Variants in MOXD1 observed in about 807,000 individuals in gnomAD.
MOXD1 encodes the protein DBH-like monooxygenase protein 1.
In MOXD1, 62 loss-of-function variants were observed where a neutral mutation model predicts 66.6. That is an observed-to-expected ratio of 0.93 (90% confidence interval 0.76 to 1.15). MOXD1 has a LOEUF of 1.15. Ranked by LOEUF, MOXD1 falls within the 50% of genes most tolerant of loss-of-function variation. MOXD1 has a pLI of 0.00. For synonymous variants in MOXD1, 303 were observed against 281.9 expected (o/e 1.07, Z -0.75); for missense variants, 847 against 754.6 (o/e 1.12, Z -1.44).
intron 9 of MOXD1, among the ~76,000 whole-genome samples, chr6:132,317,625 C>T (rs1469139194): frequency 6.6e-6 from 1 of 152,014 alleles, no homozygotes; most frequent in Non-Finnish European, 1.5e-5. Context: ...GTTGTGTTGG[C>T]CCTGAAGAGG....
chr6:132,398,878 C>G (rs1041581841), intron 1 of MOXD1, among the ~76,000 whole-genome samples: 2 of 139,752 alleles, frequency 1.4e-5, no homozygotes, highest in Non-Finnish European at 3.0e-5. Context: ...GGTGAGGTTG[C>G]AGTGAGCCGA....
chr6:132,335,017 C>T (rs956018890), intron 4 of MOXD1, among the ~76,000 whole-genome samples: 5 of 152,120 alleles, frequency 3.3e-5, no homozygotes, highest in Middle Eastern at 3.4e-3. Context: ...GAACTTAGAA[C>T]GAAGAAAATG....
intron 4 of MOXD1, among the ~76,000 whole-genome samples, chr6:132,339,960 C>T (rs1031430862): frequency 6.6e-6 from 1 of 150,800 alleles, no homozygotes; most frequent in Non-Finnish European, 1.5e-5. Flanking sequence ...ACCTTTGCCT[C>T]CCCGGTTCAA....
chr6:132,302,333 C>G (rs1774559578), intron 10 of MOXD1, among the ~76,000 whole-genome samples: 1 of 152,054 alleles, frequency 6.6e-6, no homozygotes, highest in African/African-American at 2.4e-5. Context: ...GCATAATGTC[C>G]TGTTGTCTAT....
At chr6:132,400,795 G>A (rs1220894936) in intron 1 of MOXD1, among the ~76,000 whole-genome samples, 5 of 152,312 alleles carry the variant, frequency 3.3e-5, no homozygotes, top group Non-Finnish European at 7.3e-5. Flanking sequence ...TCCTCTGAGA[G>A]CTGTCCCATT....
In MOXD1 at chr6:132,297,792, A is replaced by G; in HGVS notation, c.1672T>C (p.Trp558Arg). 1 of 1,600,630 alleles carries G rather than the reference A, an allele frequency of 6.2e-7. No individual in the cohort carries two copies. The highest frequency in any genetic ancestry group is 8.5e-7 in the Non-Finnish European group (1 of 1,175,640). The change falls in exon 11 of 12, where the codon TGG becomes CGG. Residue 558 changes from tryptophan (W) to arginine (R), a missense_variant. Transcript: ENST00000367963. ...VRCSKTDNAEWSIQGMTALPP... is the reference protein window; with the variant it reads ...VRCSKTDNAERSIQGMTALPP... ...AGAGGTTAAAAAGAGCTTACCGACCACTCAGCATTGTCTGTCTTGGAACAT... is the reference window on the plus strand; with the variant it reads ...AGAGGTTAAAAAGAGCTTACCGACCGCTCAGCATTGTCTGTCTTGGAACAT...
chr6:132,328,404 A>C lies in MOXD1; in HGVS notation c.843+11T>G, dbSNP rs775322297. ...TTAATTGTGTTACATCTCAGTAATCATTAGCCCCACCTCTCCACCAATAGC... is the reference window on the plus strand; with the variant it reads ...TTAATTGTGTTACATCTCAGTAATCCTTAGCCCCACCTCTCCACCAATAGC... On this transcript the variant is annotated intron_variant, in intron 5 of 11. Coordinates refer to ENST00000367963, the MANE Select transcript of MOXD1 (RefSeq NM_015529.4). 6.2e-7 allele frequency: 1 copy of C among 1,613,726 alleles called. No homozygotes were observed. Among genetic ancestry groups the C allele is most frequent in the South Asian group, 1.1e-5 (1 of 91,014 alleles).
At chr6:132,384,231 T>C (rs1776569646) in intron 1 of MOXD1, among the ~76,000 whole-genome samples, 1 of 118,830 alleles carries the variant, frequency 8.4e-6, no homozygotes, top group African/African-American at 3.2e-5. Flanking sequence ...CCTTCCTTCC[T>C]CCCTCCCTCT....
At chr6:132,309,883 G>A (rs1240105059) in intron 10 of MOXD1, among the ~76,000 whole-genome samples, 1 of 152,018 alleles carries the variant, frequency 6.6e-6, no homozygotes, top group African/African-American at 2.4e-5. Context: ...GTGTAAAACT[G>A]CAAACCATAG....
intron 1 of MOXD1, among the ~76,000 whole-genome samples, chr6:132,395,102 C>A (rs1365224340): frequency 6.6e-6 from 1 of 151,946 alleles, no homozygotes; most frequent in Non-Finnish European, 1.5e-5. Flanking sequence ...TCAGACTAGA[C>A]TAACAGCAGA....
rs1483910677 is a variant in MOXD1 at position 132,311,848 on chromosome 6, C to T, written c.1508+3787G>A. ...GTAGAATTTGAGGTGGTTGCTTTTG[C>T]CTTCTTTATAACAACTTGTTCTGCA... is the stretch of plus-strand genomic sequence containing the variant. On this transcript the variant is annotated intron_variant, in intron 10 of 11. Transcript: ENST00000367963. Among the ~76,000 whole-genome samples the T allele has an allele frequency of 2.6e-5, 4 of 151,870 alleles. No homozygotes were observed. In the East Asian group the frequency reaches 7.7e-4, roughly 29 times the overall value.
chr6:132,314,813 A>G (rs58445730), intron 10 of MOXD1, among the ~76,000 whole-genome samples: 2,747 of 152,072 alleles, frequency 0.018, 92 homozygotes, highest in African/African-American at 0.063. Context: ...TTTTTTGTTT[A>G]TTACCTCTCC....
At chr6:132,330,434 G>A (rs905051124) in intron 4 of MOXD1, among the ~76,000 whole-genome samples, 8 of 152,130 alleles carry the variant, frequency 5.3e-5, no homozygotes, top group African/African-American at 1.4e-4. Flanking sequence ...ATCTGAGGTG[G>A]AACAGTTTCA....
intron 10 of MOXD1, among the ~76,000 whole-genome samples, chr6:132,299,600 T>G (rs764578933): frequency 6.6e-5 from 10 of 152,136 alleles, no homozygotes; most frequent in Non-Finnish European, 1.3e-4. Context: ...AGTGAAAAAG[T>G]GAATGACATA....
intron 4 of MOXD1, among the ~76,000 whole-genome samples, chr6:132,347,621 G>A (rs1425464828): frequency 6.6e-6 from 1 of 151,534 alleles, no homozygotes; most frequent in Non-Finnish European, 1.5e-5. Context: ...AGGTTGTAGT[G>A]AGCCAAGATT....
rs1035780458 is a variant in MOXD1, at chr6:132,332,569, C to T, written c.664-3975G>A. On this transcript the variant is annotated intron_variant, in intron 4 of 11. Coordinates refer to ENST00000367963, the MANE Select transcript of MOXD1 (RefSeq NM_015529.4). ...ATTAAGTGAGACACCAAGAATGTTC[C>T]TTAAGGATGGACATAACTTGTTTAG... 3.9e-5 allele frequency among the ~76,000 whole-genome samples: 6 copies of T among 152,212 alleles called. No homozygotes were observed. In the Middle Eastern group the frequency reaches 0.01, roughly 259 times the overall value.
Position 132,325,814 on chromosome 6 carries a change from C to T in MOXD1, c.947-1717G>A, listed in dbSNP as rs557608845. ...CAGTGTTTGGCACAAATGAGGTGCT[C>T]AATAAATGGCAGCTAGTCACACGTA... On this transcript the variant is annotated intron_variant, in intron 6 of 11. Coordinates refer to ENST00000367963, the MANE Select transcript of MOXD1 (RefSeq NM_015529.4). Among the ~76,000 whole-genome samples the T allele has an allele frequency of 1.6e-4, 24 of 152,210 alleles. 1 individual carries two copies. Among genetic ancestry groups the T allele is most frequent in the African/African-American group, 5.8e-4 (24 of 41,530 alleles).
Position 132,380,736 on chromosome 6 carries a change from A to T in MOXD1, c.265-5959T>A, listed in dbSNP as rs191562998. ...CTTATTTACATTGTCAATGGAACAA[A>T]AAAAGGGGGGAAGACAATTATTTTC... On this transcript the variant is annotated intron_variant, in intron 1 of 11. Transcript: ENST00000367963. Among the ~76,000 whole-genome samples the T allele has an allele frequency of 2.9e-4, 44 of 152,362 alleles. 1 individual carries two copies. Among genetic ancestry groups the T allele is most frequent in the Admixed American group, 2.5e-3 (39 of 15,310 alleles).
At chr6:132,377,194 A>G (rs542086903) in intron 1 of MOXD1, among the ~76,000 whole-genome samples, 6 of 152,300 alleles carry the variant, frequency 3.9e-5, no homozygotes, top group African/African-American at 1.4e-4. Flanking sequence ...TTATTTTGAG[A>G]ACTGGGTTGC....
Sources: gnomAD v4.1 joint callset for allele counts (sites outside exome capture counted in the v4.1 genomes callset) on GRCh38, gnomAD v4.1.1 for gene constraint, MANE v1.5 for transcripts, NCBI Gene and HGNC (gene_info 2026-07-23, HGNC 2026-07-21) for gene names.